Variants in OSBPL9 observed in about 807,000 individuals in gnomAD.
OSBPL9 encodes oxysterol-binding protein-related protein 9.
OSBPL9 carries 40 observed loss-of-function variants against 106.6 expected under a neutral mutation model. The observed-to-expected ratio is 0.38, with a 90% confidence interval of 0.29 to 0.49. OSBPL9 has a LOEUF of 0.49. Among genes scored for constraint, OSBPL9 ranks in the 20% least tolerant of loss-of-function variants. The pLI is 0.97. For synonymous variants in OSBPL9, 269 were observed against 295.4 expected (o/e 0.91, Z 0.92); for missense variants, 609 against 887.2 (o/e 0.69, Z 3.98).
intron 8 of OSBPL9, among the ~76,000 whole-genome samples, chr1:51,753,678 A>G (rs1046201040): frequency 2.0e-5 from 3 of 152,210 alleles, no homozygotes; most frequent in Non-Finnish European, 4.4e-5. Flanking sequence ...GATTAGTATC[A>G]GCTTCTTAGA....
upstream of OSBPL9, among the ~76,000 whole-genome samples, chr1:51,575,732 T>G (rs539877087): frequency 6.6e-6 from 1 of 152,266 alleles, no homozygotes; most frequent in South Asian, 2.1e-4. Context: ...CTATTTTGAA[T>G]TAAAGGCACT....
At chr1:51,776,270 A>G (rs1675055209) in intron 14 of OSBPL9, among the ~76,000 whole-genome samples, 1 of 152,178 alleles carries the variant, frequency 6.6e-6, no homozygotes, top group African/African-American at 2.4e-5. Flanking sequence ...GGTGCTCATC[A>G]TGTATTTCCT....
At position 51,589,329 on chromosome 1, in the gene OSBPL9, T is replaced by G. The variant is rs143301328; in HGVS notation, c.-422-8795T>G. Among the ~76,000 whole-genome samples, 823 of 152,306 alleles carry G rather than the reference T, an allele frequency of 5.4e-3. 9 individuals carry two copies. The highest frequency in any genetic ancestry group is 0.019 in the African/African-American group (789 of 41,562). On this transcript the variant is annotated intron_variant, in intron 1 of 25. Coordinates refer to the OSBPL9 transcript ENST00000371714. ...ATCTTGAACTGCTGAGATCAGGCGA[T>G]CTGCCTGCCTCAGTTTCCCAAAATG... is the stretch of plus-strand genomic sequence containing the variant.
chr1:51,596,022 C>T (rs1463899266), intron 1 of OSBPL9, among the ~76,000 whole-genome samples: 2 of 151,228 alleles, frequency 1.3e-5, no homozygotes, highest in South Asian at 2.1e-4. Context: ...TTTGGGAGGC[C>T]GAAGTGGGTG....
At chr1:51,644,198 G>A (rs546128182) in intron 1 of OSBPL9, among the ~76,000 whole-genome samples, 1 of 150,842 alleles carries the variant, frequency 6.6e-6, no homozygotes, top group East Asian at 2.0e-4. Flanking sequence ...TTGAGAGTTT[G>A]TTTTTCTTTT....
At chr1:51,775,772 AG>A (rs1260087313) in intron 14 of OSBPL9, among the ~76,000 whole-genome samples, 1 of 151,860 alleles carries the variant, frequency 6.6e-6, no homozygotes, top group African/African-American at 2.4e-5. Context: ...CACCACACTC[AG>A]GTAATTTTTG....
At chr1:51,555,470 A>G in the OSBPL9 span, among the ~76,000 whole-genome samples, 2 of 152,106 alleles carry the variant, frequency 1.3e-5, no homozygotes, top group African/African-American at 4.8e-5. Flanking sequence ...AGCCTGGGCA[A>G]CAAAAAAGGT....
At chr1:51,538,387 GA>G in the OSBPL9 span, among the ~76,000 whole-genome samples, 8 of 152,270 alleles carry the variant, frequency 5.3e-5, no homozygotes, top group Admixed American at 5.2e-4. Context: ...CAGGGTTCAA[GA>G]TTTGTTTGCA....
chr1:51,592,203 C>T (rs1245484283), intron 1 of OSBPL9, among the ~76,000 whole-genome samples: 1 of 150,848 alleles, frequency 6.6e-6, no homozygotes, highest in East Asian at 2.0e-4. Flanking sequence ...CAAGCTCCGC[C>T]TCACAGGTTC....
At chr1:51,533,841 CT>C in the OSBPL9 span, among the ~76,000 whole-genome samples, 1 of 124,172 alleles carries the variant, frequency 8.1e-6, no homozygotes, top group African/African-American at 3.1e-5. Context: ...TTTCTTTTTT[CT>C]TTCTTTTTTT....
intron 1 of OSBPL9, among the ~76,000 whole-genome samples, chr1:51,619,619 A>G (rs1644304989): frequency 6.6e-6 from 1 of 152,176 alleles, no homozygotes; most frequent in African/African-American, 2.4e-5. Context: ...CAGAGAAACA[A>G]CAGACAATTG....
At chr1:51,689,439 C>T (rs544407919) in intron 3 of OSBPL9, among the ~76,000 whole-genome samples, 2 of 152,136 alleles carry the variant, frequency 1.3e-5, no homozygotes, top group South Asian at 4.2e-4. Context: ...AAACTCTTAG[C>T]CTTGGTAATC....
intron 3 of OSBPL9, among the ~76,000 whole-genome samples, chr1:51,684,526 A>G (rs929679173): frequency 5.9e-5 from 9 of 152,154 alleles, no homozygotes; most frequent in Non-Finnish European, 8.8e-5. Context: ...TAAGAAAAAA[A>G]GTTTATTTAT....
upstream of OSBPL9, among the ~76,000 whole-genome samples, chr1:51,576,322 G>A (rs151085808): frequency 1.1e-3 from 164 of 152,288 alleles, 1 homozygote; most frequent in Middle Eastern, 0.014. Context: ...AACTTGCTGT[G>A]GCTTGAATGA....
chr1:51,539,092 CT>C, the OSBPL9 span, among the ~76,000 whole-genome samples: 2 of 152,276 alleles, frequency 1.3e-5, no homozygotes, highest in East Asian at 3.9e-4. Context: ...AAATTTACAT[CT>C]TTTTCCCAGA....
At position 51,719,445 on chromosome 1, in the gene OSBPL9, CT is replaced by C. The variant is rs879838595; in HGVS notation, c.318+5378del. Among the ~76,000 whole-genome samples the C allele has an allele frequency of 6.2e-3, 898 of 144,264 alleles. 8 individuals carry two copies. The highest frequency in any genetic ancestry group is 0.03 in the Admixed American group (440 of 14,440). 94.6% of individuals were successfully genotyped at this position (144,264 alleles called of 152,430 possible). On this transcript the variant is annotated intron_variant, in intron 4 of 23. Transcript: ENST00000428468. The stretch of plus-strand genomic sequence containing the variant: ...TTAATAGAGGGGAACTTTTCAGATT[CT>C]TTTTTTTTTTTAACCCTAGTAAGCT...
chr1:51,588,280 G>A (rs1181644701), intron 1 of OSBPL9, among the ~76,000 whole-genome samples: 1 of 152,216 alleles, frequency 6.6e-6, no homozygotes, highest in Non-Finnish European at 1.5e-5. Flanking sequence ...TACTCGGGAG[G>A]CTGAGGCAGG....
At chr1:51,695,551 T>C (rs1359181185) in intron 3 of OSBPL9, among the ~76,000 whole-genome samples, 1 of 152,174 alleles carries the variant, frequency 6.6e-6, no homozygotes, top group African/African-American at 2.4e-5. Flanking sequence ...CTGTTTGCTA[T>C]AATATCTCCA....
Position 51,692,521 on chromosome 1 carries a change from CTA to C in OSBPL9, c.242-21480_242-21479del, listed in dbSNP as rs923678002. Among the ~76,000 whole-genome samples the C allele has an allele frequency of 7.9e-4, 121 of 152,228 alleles. 1 individual carries two copies. Among genetic ancestry groups the C allele is most frequent in the Non-Finnish European group, 5.6e-4 (38 of 68,024 alleles). ...CAAAGTTAGGACAGCATCAGGGTGGCTATGTCACTAGGTGATAGGAATTACAA... is the reference window on the plus strand; with the variant it reads ...CAAAGTTAGGACAGCATCAGGGTGGCTGTCACTAGGTGATAGGAATTACAA... On this transcript the variant is annotated intron_variant, in intron 3 of 23. Coordinates refer to ENST00000428468, the MANE Select transcript of OSBPL9 (RefSeq NM_024586.6).
Sources: gnomAD v4.1 joint callset for allele counts (sites outside exome capture counted in the v4.1 genomes callset) on GRCh38, gnomAD v4.1.1 for gene constraint, MANE v1.5 for transcripts, NCBI Gene and HGNC (gene_info 2026-07-23, HGNC 2026-07-21) for gene names.